Variants in VAPA observed in about 807,000 individuals in gnomAD.
VAPA encodes the protein vesicle-associated membrane protein-associated protein A.
VAPA carries 6 observed loss-of-function variants against 25.6 expected under a neutral mutation model. The ratio of observed to expected loss-of-function variants is 0.23; its 90% confidence interval spans 0.13 to 0.46. The LOEUF (loss-of-function observed/expected upper bound fraction) is 0.46, where lower values mean the gene tolerates loss of function less well. Ranked by LOEUF, VAPA falls within the 20% of genes least tolerant of loss-of-function variation. The pLI is 0.99. For missense variants in VAPA, 244 were observed against 302.1 expected, an observed-to-expected ratio of 0.81 and a Z score of 1.43; for synonymous variants, 112 against 106.2, an observed-to-expected ratio of 1.05 and a Z score of -0.34.
chr18:9,939,475 G>T (rs933094186), intron 4 of VAPA, among the ~76,000 whole-genome samples: 2 of 151,172 alleles, frequency 1.3e-5, no homozygotes, highest in African/African-American at 4.9e-5. Flanking sequence ...ACTTCTATTG[G>T]ATGATACGTT....
intron 4 of VAPA, among the ~76,000 whole-genome samples, chr18:9,943,866 T>C (rs1402135779): frequency 9.8e-6 from 1 of 102,058 alleles, no homozygotes; most frequent in African/African-American, 4.0e-5. Context: ...TTTTTTTTTT[T>C]TTTTTTTTTT....
chr18:9,954,913 A>G lies in VAPA; in HGVS notation c.*702A>G, dbSNP rs187734550. On this transcript the variant is annotated 3_prime_UTR_variant, in exon 6 of 6. Transcript: ENST00000400000. ...TGATGCAAAGGTTTCTCTTGCATTG[A>G]AACCCTCTTGGATATTACAGTATTT... 1.8e-4 allele frequency: 28 copies of G among 152,702 alleles called. No individual in the cohort carries two copies. The highest frequency in any genetic ancestry group is 6.7e-4 in the African/African-American group (28 of 41,596). 9.5% of individuals were successfully genotyped at this position (152,702 alleles called of 1,614,324 possible).
chr18:9,953,948 T>C, intron 5 of VAPA, 105 bp from the exon 6 acceptor site: 1 of 1,411,278 alleles, frequency 7.1e-7, no homozygotes. Context: ...TCCCCAGCCA[T>C]AGGCAACCAC....
At chr18:9,953,826 G>A (rs1442556190) in intron 5 of VAPA, among the ~76,000 whole-genome samples, 1 of 152,198 alleles carries the variant, frequency 6.6e-6, no homozygotes, top group African/African-American at 2.4e-5. Flanking sequence ...CACTGTGAGT[G>A]TACAATTCAT....
At chr18:9,922,516 C>T (rs928439545) in intron 1 of VAPA, among the ~76,000 whole-genome samples, 2 of 152,052 alleles carry the variant, frequency 1.3e-5, no homozygotes, top group African/African-American at 4.8e-5. Context: ...TATACCTGGT[C>T]TCACAGGAAG....
chr18:9,953,935 C>T, intron 5 of VAPA, 118 bp from the exon 6 acceptor site: 1 of 1,238,520 alleles, frequency 8.1e-7, no homozygotes, highest in South Asian at 1.3e-5. Flanking sequence ...ATCCCCTTTT[C>T]CGTCCCCAGC....
Position 9,951,279 on chromosome 18 carries a change from G to GC in VAPA, c.591+715dup, listed in dbSNP as rs2069487087. ...TGTGACTGGAAAGGCCCAGAACCCTGCCCCTCCCGACACAGCACATACACA... is the reference window on the plus strand; with the variant it reads ...TGTGACTGGAAAGGCCCAGAACCCTGCCCCCTCCCGACACAGCACATACACA... On this transcript the variant is annotated intron_variant, in intron 5 of 5. Transcript: ENST00000400000. 4 of 152,300 alleles carry GC rather than the reference G, an allele frequency of 2.6e-5. No individual in the cohort carries two copies. The South Asian group carries it at 6.2e-4, about 24-fold the overall frequency. The allele number at this position is 152,300 out of a possible 1,614,324, so 9.4% of individuals were successfully genotyped here.
Position 9,922,937 on chromosome 18 carries a change from TG to T in VAPA, c.79+8603del, listed in dbSNP as rs372640179. Among the ~76,000 whole-genome samples, 15 of 152,356 alleles carry T rather than the reference TG, an allele frequency of 9.8e-5. 1 individual carries two copies. The East Asian group carries it at 2.9e-3, about 29-fold the overall frequency. On this transcript the variant is annotated intron_variant, in intron 1 of 5. Coordinates refer to ENST00000400000, the MANE Select transcript of VAPA (RefSeq NM_194434.3). ...ATTTGATATTTTCTGAAGCCATATTTGTAACACATTATTCTTTAACATTTCA... is the reference window on the plus strand; with the variant it reads ...ATTTGATATTTTCTGAAGCCATATTTTAACACATTATTCTTTAACATTTCA...
chr18:9,920,344 C>G (rs2143287787), intron 1 of VAPA, among the ~76,000 whole-genome samples: 1 of 152,220 alleles, frequency 6.6e-6, no homozygotes, highest in Non-Finnish European at 1.5e-5. Context: ...GCTTTGTCAC[C>G]CATGGTGGTG....
intron 1 of VAPA, among the ~76,000 whole-genome samples, chr18:9,931,540 A>G (rs1243339256): frequency 6.6e-6 from 1 of 152,226 alleles, no homozygotes; most frequent in Admixed American, 6.5e-5. Context: ...TGTAAAGTTC[A>G]TAGATCCAAA....
intron 1 of VAPA, among the ~76,000 whole-genome samples, chr18:9,919,315 AT>A (rs1232554650): frequency 6.6e-6 from 1 of 152,186 alleles, no homozygotes; most frequent in East Asian, 1.9e-4. Context: ...TTCCAAATTC[AT>A]TTATTTTTAA....
intron 2 of VAPA, among the ~76,000 whole-genome samples, chr18:9,932,835 G>A (rs1041314210): frequency 2.0e-5 from 3 of 152,142 alleles, no homozygotes; most frequent in Admixed American, 6.5e-5. Flanking sequence ...TAGGCCGGGC[G>A]CGGTGGCTTA....
intron 4 of VAPA, among the ~76,000 whole-genome samples, chr18:9,942,842 C>T (rs2069379916): frequency 6.6e-6 from 1 of 152,188 alleles, no homozygotes; most frequent in African/African-American, 2.4e-5. Context: ...GACCCACCCT[C>T]ATGATCCAGT....
intron 4 of VAPA, among the ~76,000 whole-genome samples, chr18:9,945,461 G>A (rs1036667006): frequency 1.4e-5 from 2 of 142,504 alleles, no homozygotes; most frequent in African/African-American, 5.1e-5. Context: ...CCCGGTTCAA[G>A]GGATTCTCCC....
rs1420055181 is a variant in VAPA at position 9,914,212 on chromosome 18, C to T, written c.-45C>T. 6.5e-7 allele frequency: 1 copy of T among 1,540,148 alleles called. No homozygotes were observed. Among genetic ancestry groups the T allele is most frequent in the Non-Finnish European group, 8.8e-7 (1 of 1,142,204 alleles). On this transcript the variant is annotated 5_prime_UTR_variant, in exon 1 of 6. Transcript: ENST00000400000. ...GCCGTCGTCCCCCGCCCCCAGTCAG[C>T]AAACCGCCGCCGCGGGCGCGCCCCC...
intron 1 of VAPA, among the ~76,000 whole-genome samples, chr18:9,921,581 A>G (rs1171305264): frequency 2.0e-5 from 3 of 152,218 alleles, no homozygotes; most frequent in Non-Finnish European, 4.4e-5. Flanking sequence ...TACTATAGTG[A>G]AGCAAATTGA....
chr18:9,939,688 T>C (rs1347943827), intron 4 of VAPA, among the ~76,000 whole-genome samples: 2 of 152,144 alleles, frequency 1.3e-5, no homozygotes, highest in Admixed American at 6.6e-5. Context: ...GAGTGGTTCT[T>C]ATCCAGGGGC....
At chr18:9,920,286 C>T in intron 1 of VAPA, among the ~76,000 whole-genome samples, 1 of 152,008 alleles carries the variant, frequency 6.6e-6, no homozygotes, top group East Asian at 1.9e-4. Flanking sequence ...GCAGACATCT[C>T]CTTTTCTTTT....
rs1291984077 is a variant in VAPA, at chr18:9,956,776, A to G, written c.*2565A>G. 6.6e-6 allele frequency: 1 copy of G among 152,388 alleles called. No individual in the cohort carries two copies. Among genetic ancestry groups the G allele is most frequent in the Non-Finnish European group, 1.5e-5 (1 of 68,028 alleles). 9.4% of individuals were successfully genotyped at this position (152,388 alleles called of 1,614,324 possible). ...TTGCTTTGTCTGCCTGCTTACTTGT[A>G]TATGTAAGCATGAGGGAAATACACT... On this transcript the variant is annotated 3_prime_UTR_variant, in exon 6 of 6. Coordinates refer to ENST00000400000, the MANE Select transcript of VAPA (RefSeq NM_194434.3).
Sources: allele counts gnomAD v4.1 joint callset (sites outside exome capture counted in the v4.1 genomes callset), GRCh38; gene constraint gnomAD v4.1.1; transcripts MANE v1.5; gene names NCBI Gene and HGNC (gene_info 2026-07-23, HGNC 2026-07-21).